LRRC37B: variants seen among roughly 807,000 people sequenced by gnomAD.
LRRC37B encodes the protein leucine-rich repeat-containing protein 37B.
Under a neutral mutation model 98.3 loss-of-function variants are expected in LRRC37B, and 28 were observed. The ratio of observed to expected loss-of-function variants is 0.28; its 90% CI spans 0.21 to 0.39. LRRC37B has a LOEUF of 0.39. LRRC37B is among the 10% of genes least tolerant of loss of function. LRRC37B has a pLI of 1.00. For missense variants in LRRC37B, 938 were observed against 1,182.7 expected (o/e 0.79, Z 3.03); for synonymous variants, 364 against 442.7 (o/e 0.82, Z 2.23).
rs879747437 is a variant in LRRC37B, at chr17:32,013,708, A to ATGTGTGTGTGTG, written c.-190-4263_-190-4262insGTGTGTGTGTGT. On this transcript the variant is annotated intron_variant, in intron 1 of 14. Transcript: ENST00000543378. ...TCTAGTCCCCCTCCCTTATAATTGT[A>ATGTGTGTGTGTG]TATGTGTGTGTGTGTGTGTGTGTGT... Among the ~76,000 whole-genome samples, 1,013 of 130,362 alleles carry ATGTGTGTGTGTG rather than the reference A, an allele frequency of 7.8e-3. 7 individuals carry two copies. Among genetic ancestry groups the ATGTGTGTGTGTG allele is most frequent in the African/African-American group, 0.028 (972 of 34,346 alleles). 85.5% of individuals were successfully genotyped at this position (130,362 alleles called of 152,430 possible). A position where few individuals can be genotyped will look rare whatever the true frequency, so the allele number is the denominator to read the frequency against.
exon 1 of LRRC37B, chr17:32,022,021 C>G: frequency 1.2e-6 from 2 of 1,614,020 alleles, no homozygotes; most frequent in Non-Finnish European, 1.7e-6. Flanking sequence ...CTACAGCTCC[C>G]TCAGGAGGTA....
At chr17:32,049,219 A>T in exon 10 of LRRC37B, 1 of 1,614,152 alleles carries the variant, frequency 6.2e-7, no homozygotes, top group Middle Eastern at 1.6e-4. Context: ...TCAGAAACAC[A>T]TGTGCAAGGG....
At chr17:32,044,189 C>G (rs1467044396) in intron 7 of LRRC37B, among the ~76,000 whole-genome samples, 1 of 151,288 alleles carries the variant, frequency 6.6e-6, no homozygotes, top group Admixed American at 6.6e-5. Flanking sequence ...TGAAACTGCC[C>G]CCAAGAAGCC....
In LRRC37B at chr17:32,027,161, A is replaced by G. The variant is rs528251092; in HGVS notation, c.1833-608A>G. Among the ~76,000 whole-genome samples, 373 of 152,350 alleles carry G rather than the reference A, an allele frequency of 2.4e-3. 2 individuals are homozygous for G. Among genetic ancestry groups the G allele is most frequent in the Non-Finnish European group, 4.6e-3 (314 of 68,042 alleles). ...TCACTTGCAGCCCTGACATGGTCCC[A>G]TGTGGGGCTTTTGTAATAAGGTTTG... On this transcript the variant is annotated intron_variant, in intron 2 of 11. Transcript: ENST00000327564.
chr17:32,014,437 A>G (rs1208625607), intron 1 of LRRC37B, among the ~76,000 whole-genome samples: 1 of 152,248 alleles, frequency 6.6e-6, no homozygotes, highest in Non-Finnish European at 1.5e-5. Flanking sequence ...AAAGAAAAAA[A>G]AGACATTTCA....
upstream of LRRC37B, among the ~76,000 whole-genome samples, chr17:32,007,438 G>A (rs996562883): frequency 2.6e-5 from 4 of 152,250 alleles, no homozygotes; most frequent in African/African-American, 9.6e-5. This position sits in a 1 kb window ranked among gnomAD's most constrained non-coding sequence, Gnocchi z 4.1. Context: ...GATCTTGAGT[G>A]GGGCCCCAGC....
upstream of LRRC37B, among the ~76,000 whole-genome samples, chr17:32,018,669 T>A (rs916645994): frequency 6.6e-6 from 1 of 152,120 alleles, no homozygotes; most frequent in East Asian, 1.9e-4. Flanking sequence ...ATACCAGAGA[T>A]GTGGGGGGAA....
At chr17:32,043,438 G>A (rs1911499051) in intron 7 of LRRC37B, among the ~76,000 whole-genome samples, 1 of 152,150 alleles carries the variant, frequency 6.6e-6, no homozygotes, top group Non-Finnish European at 1.5e-5. Flanking sequence ...GCACGCACCT[G>A]TAGTTCTAGC....
intron 1 of LRRC37B, among the ~76,000 whole-genome samples, chr17:32,011,828 A>C (rs1385499385): frequency 6.6e-6 from 1 of 152,204 alleles, no homozygotes; most frequent in Non-Finnish European, 1.5e-5. Flanking sequence ...ATATCTTAGA[A>C]TTTGTGATAT....
chr17:32,025,541 G>A (rs1910929667), intron 2 of LRRC37B, among the ~76,000 whole-genome samples: 2 of 151,858 alleles, frequency 1.3e-5, no homozygotes, highest in Non-Finnish European at 2.9e-5. Context: ...TTTTCATAAA[G>A]GGTAACATCT....
At chr17:32,047,457 T>G in intron 8 of LRRC37B, 1 of 412,214 alleles carries the variant, frequency 2.4e-6, no homozygotes, top group South Asian at 2.2e-5. Context: ...GGGAAGCACT[T>G]GTCTTCCACC....
intron 1 of LRRC37B, among the ~76,000 whole-genome samples, chr17:32,011,839 A>G (rs1910533092): frequency 6.6e-6 from 1 of 152,336 alleles, no homozygotes; most frequent in South Asian, 2.1e-4. Flanking sequence ...TTTGTGATAT[A>G]TGTTTTATTT....
At chr17:32,050,772 G>A (rs906178576) in intron 11 of LRRC37B, among the ~76,000 whole-genome samples, 17 of 151,954 alleles carry the variant, frequency 1.1e-4, no homozygotes, top group Non-Finnish European at 2.4e-4. Flanking sequence ...ATTCCCCCTC[G>A]GATTAGAGAT....
chr17:32,011,291 G>A (rs545482835), intron 1 of LRRC37B, among the ~76,000 whole-genome samples: 6 of 150,476 alleles, frequency 4.0e-5, no homozygotes, highest in Middle Eastern at 3.5e-3. Flanking sequence ...CACCATGCCC[G>A]GCCCGGATTT....
rs181507526 is a variant in LRRC37B at position 32,033,283 on chromosome 17, A to T, written c.2058-1627A>T. On this transcript the variant is annotated intron_variant, in intron 5 of 11. Transcript: ENST00000327564. Reference sequence around the variant, plus strand: ...CTAAGCCACCAGGCCCAGCCAATAAATGGAAACTTTAACTCAAAAGAAGGA... The same window carrying T: ...CTAAGCCACCAGGCCCAGCCAATAATTGGAAACTTTAACTCAAAAGAAGGA... Among the ~76,000 whole-genome samples the T allele has an allele frequency of 6.4e-5, 9 of 140,178 alleles. No individual in the cohort carries two copies. In the East Asian group the frequency reaches 2.3e-3, roughly 36 times the overall value. The allele number at this position is 140,178 out of a possible 152,430, so 92.0% of individuals were successfully genotyped here.
At chr17:32,023,627 G>T (rs1476333969) in intron 1 of LRRC37B, among the ~76,000 whole-genome samples, 1 of 152,164 alleles carries the variant, frequency 6.6e-6, no homozygotes, top group Non-Finnish European at 1.5e-5. Flanking sequence ...CATTTCATAG[G>T]ATTGTTGTGA....
intron 1 of LRRC37B, among the ~76,000 whole-genome samples, chr17:32,009,836 G>A (rs1243090549): frequency 6.6e-6 from 1 of 151,642 alleles, no homozygotes; most frequent in Non-Finnish European, 1.5e-5. Context: ...AATAGAGATG[G>A]GGTTTCGCTG....
At chr17:32,037,485 C>G (rs1911280559) in intron 7 of LRRC37B, among the ~76,000 whole-genome samples, 1 of 151,458 alleles carries the variant, frequency 6.6e-6, no homozygotes, top group East Asian at 2.0e-4. Context: ...AGGCTGGTCT[C>G]AAACTCCTGG....
At chr17:32,024,624 T>G in intron 1 of LRRC37B, 87 bp from the exon 5 acceptor site, 7 of 1,603,892 alleles carry the variant, frequency 4.4e-6, no homozygotes, top group Non-Finnish European at 5.1e-6. Flanking sequence ...TTTCCGAATA[T>G]CCCCGACAAG....
Sources: allele counts gnomAD v4.1 joint callset (sites outside exome capture counted in the v4.1 genomes callset), GRCh38; gene constraint gnomAD v4.1.1; non-coding constraint Gnocchi (gnomAD v3.1); transcripts MANE v1.5; gene names NCBI Gene and HGNC (gene_info 2026-07-23, HGNC 2026-07-21).